Variants in PLCH2 observed in about 807,000 individuals in gnomAD.
PLCH2 encodes phospholipase C eta 2.
PLCH2 carries 98 observed loss-of-function variants against 134.7 expected under a neutral mutation model. That is an observed-to-expected ratio of 0.73 (90% CI 0.62 to 0.86). The LOEUF is 0.86. Ranked by LOEUF, PLCH2 falls within the 40% of genes least tolerant of loss-of-function variation. PLCH2 has a pLI of 0.00. For missense variants in PLCH2, 1,994 were observed against 1,986.6 expected (o/e 1.00, Z -0.07); for synonymous variants, 974 against 827.5 (o/e 1.18, Z -3.04).
intron 2 of PLCH2, chr1:2,479,351 G>A (rs576589431): frequency 1.2e-4 from 22 of 182,664 alleles, no homozygotes; most frequent in Non-Finnish European, 2.2e-4. Flanking sequence ...CCCTGGAGCC[G>A]CTGTCCCCAC....
In PLCH2 at chr1:2,489,621, C is replaced by T. The variant is rs543624833; in HGVS notation, c.1408-139C>T. 1.1e-4 allele frequency: 85 copies of T among 767,230 alleles called. No individual in the cohort carries two copies. In the African/African-American group the frequency reaches 1.3e-3, roughly 12 times the overall value. 47.5% of individuals were successfully genotyped at this position (767,230 alleles called of 1,614,324 possible). On this transcript the variant is annotated intron_variant, in intron 9 of 21. Coordinates refer to ENST00000378486, the MANE Select transcript of PLCH2 (RefSeq NM_014638.4). ...GCCACAGGGAGCTGGCCAGTCTGGC[C>T]CCTGCCCCATGGCTGAGATGCCAAA...
At chr1:2,464,667 G>A (rs1322321155), upstream of PLCH2, among the ~76,000 whole-genome samples, 1 of 152,230 alleles carries the variant, frequency 6.6e-6, no homozygotes, top group Non-Finnish European at 1.5e-5. Flanking sequence ...AGGGAAGCCG[G>A]GGCCTGGGCT....
At chr1:2,416,634 C>A in the PLCH2 span, among the ~76,000 whole-genome samples, 1 of 152,220 alleles carries the variant, frequency 6.6e-6, no homozygotes, top group Non-Finnish European at 1.5e-5. Flanking sequence ...GCCCCAGAGC[C>A]AAGATGGGGA....
chr1:2,487,785 C>G, intron 8 of PLCH2, 67 bp downstream of exon 8: 1 of 1,439,782 alleles, frequency 6.9e-7, no homozygotes, highest in South Asian at 1.2e-5. Flanking sequence ...GGCTCTAGCT[C>G]TTCCTGCCAC....
the PLCH2 span, among the ~76,000 whole-genome samples, chr1:2,416,322 G>C: frequency 2.6e-5 from 4 of 152,336 alleles, no homozygotes; most frequent in Admixed American, 2.6e-4. Flanking sequence ...GTGTGGCAGT[G>C]TCCCCTCCCT....
intron 4 of PLCH2, among the ~76,000 whole-genome samples, chr1:2,483,361 G>A (rs1482012049): frequency 2.0e-5 from 3 of 152,206 alleles, no homozygotes; most frequent in African/African-American, 7.2e-5. Flanking sequence ...GCGGCTCACT[G>A]GGAGCGTAGG....
chr1:2,471,099 C>T (rs1417840305), intron 1 of PLCH2, among the ~76,000 whole-genome samples: 1 of 152,148 alleles, frequency 6.6e-6, no homozygotes, highest in African/African-American at 2.4e-5. Flanking sequence ...TTAATAGGGT[C>T]CCCTTCCTGA....
upstream of PLCH2, among the ~76,000 whole-genome samples, chr1:2,424,744 T>C (rs113387900): frequency 2.6e-4 from 39 of 152,240 alleles, no homozygotes; most frequent in Non-Finnish European, 5.0e-4. Context: ...TCCCAGCACT[T>C]TGGGAGGCCA....
chr1:2,436,896 G>C (rs1639449422), intron 2 of PLCH2, among the ~76,000 whole-genome samples: 1 of 152,214 alleles, frequency 6.6e-6, no homozygotes, highest in Non-Finnish European at 1.5e-5. Context: ...GGCCCATCTG[G>C]TTAGAGTGTC....
rs965827859 is a variant in PLCH2 at position 2,502,161 on chromosome 1, C to T, written c.2711C>T (p.Pro904Leu). 9 of 1,501,330 alleles carry T rather than the reference C, an allele frequency of 6.0e-6. No individual in the cohort carries two copies. In the South Asian group the frequency reaches 1.2e-4, roughly 19 times the overall value. The allele number at this position is 1,501,330 out of a possible 1,614,324, so 93.0% of individuals were successfully genotyped here. ...LKGLFLRGPKPGSLDSHAAGR... is the reference protein window; with the variant it reads ...LKGLFLRGPKLGSLDSHAAGR... ...GGCCTCTTCCTCCGAGGCCCAAAGC[C>T]CGGCTCGCTGGACAGTCATGCTGCT... Residue 904 changes from proline (P) to leucine (L), a missense_variant, in exon 21 of 22, where the codon CCC (proline) becomes CTC (leucine). Pro to Leu is a moderately conservative substitution (Grantham distance 98). Transcript: ENST00000378486.
At chr1:2,502,907 G>A (rs1018510086) in intron 21 of PLCH2, 7 of 717,088 alleles carry the variant, frequency 9.8e-6, no homozygotes, top group South Asian at 4.4e-5. Context: ...CATGTTCTCC[G>A]CCGGTAAGCC....
Position 2,504,164 on chromosome 1 carries a change from T to A in PLCH2, c.3202T>A (p.Tyr1068Asn). ...PCNGEGAGGA[Y>N]ERAPGSQTDG... Reference sequence around the variant, plus strand: ...CAACGGCGAGGGCGCCGGCGGGGCATACGAGAGGGCCCCCGGCAGCCAGAC... The same window carrying A: ...CAACGGCGAGGGCGCCGGCGGGGCAAACGAGAGGGCCCCCGGCAGCCAGAC... Residue 1068 changes from tyrosine to asparagine, a missense_variant, in exon 22 of 22, where the codon TAC becomes AAC. Tyr to Asn is a moderately radical substitution (Grantham distance 143). Coordinates refer to ENST00000378486, the MANE Select transcript of PLCH2 (RefSeq NM_014638.4). 3.3e-6 allele frequency: 5 copies of A among 1,528,848 alleles called. No homozygotes were observed. Among genetic ancestry groups the A allele is most frequent in the Non-Finnish European group, 4.4e-6 (5 of 1,140,004 alleles). The allele number at this position is 1,528,848 out of a possible 1,614,324, so 94.7% of individuals were successfully genotyped here.
At chr1:2,480,035 A>G in intron 3 of PLCH2, 58 bp downstream of exon 3, 1 of 1,584,090 alleles carries the variant, frequency 6.3e-7, no homozygotes, top group Non-Finnish European at 8.6e-7. Flanking sequence ...TTGGCTGCTC[A>G]CCCTGGGGGG....
At chr1:2,497,034 G>C in intron 15 of PLCH2, 24 bp downstream of exon 15, 1 of 1,604,620 alleles carries the variant, frequency 6.2e-7, no homozygotes, top group Non-Finnish European at 8.5e-7. Flanking sequence ...TGGTGCGCTG[G>C]GTGTGGTGGG....
chr1:2,443,845 CAGCCCG>C (rs1049168142), intron 2 of PLCH2, among the ~76,000 whole-genome samples: 1 of 149,392 alleles, frequency 6.7e-6, no homozygotes, highest in Non-Finnish European at 1.5e-5. Context: ...GCCGGAGCCC[CAGCCCG>C]AGCCCGAGCC....
upstream of PLCH2, among the ~76,000 whole-genome samples, chr1:2,472,740 A>AG (rs1641388010): frequency 6.6e-6 from 1 of 151,928 alleles, no homozygotes; most frequent in Non-Finnish European, 1.5e-5. Context: ...TCGGGAGAGG[A>AG]GGGGGCTTAG....
upstream of PLCH2, among the ~76,000 whole-genome samples, chr1:2,421,815 A>T (rs545121373): frequency 2.8e-4 from 43 of 150,976 alleles, 1 homozygote; most frequent in African/African-American, 1.0e-3. Context: ...CTCTACTAAA[A>T]ATACAAAAAT....
intron 21 of PLCH2, chr1:2,503,381 T>A (rs1643345529): frequency 5.1e-6 from 3 of 586,952 alleles, no homozygotes; most frequent in African/African-American, 3.7e-5. Context: ...GGGCAGGTAG[T>A]GCAGCTGCTG....
In PLCH2 at chr1:2,498,182, G is replaced by A; in HGVS notation, c.2225-341G>A. ...CTGCCCTTGGCTTGCCCTCCTCAGA[G>A]TTCTCAGCCTGAGTGGGCCCTGGGG... On this transcript the variant is annotated intron_variant, in intron 16 of 21. Transcript: ENST00000378486. This position sits in a 1 kb window ranked among gnomAD's most constrained non-coding sequence, Gnocchi z 5.4. 3.0e-6 allele frequency: 1 copy of A among 332,118 alleles called. No homozygotes were observed. Among genetic ancestry groups the A allele is most frequent in the Non-Finnish European group, 5.6e-6 (1 of 179,012 alleles). 20.6% of individuals were successfully genotyped at this position (332,118 alleles called of 1,614,324 possible).
Sources: gnomAD v4.1 joint callset for allele counts (sites outside exome capture counted in the v4.1 genomes callset) on GRCh38, gnomAD v4.1.1 for gene constraint, Gnocchi (gnomAD v3.1) non-coding constraint, MANE v1.5 for transcripts, NCBI Gene and HGNC (gene_info 2026-07-23, HGNC 2026-07-21) for gene names.